CTNND2: variants seen among roughly 807,000 people sequenced by gnomAD.
The protein encoded by CTNND2 is catenin delta 2, also known as catenin delta-2.
A neutral mutation model predicts 144.4 loss-of-function variants in CTNND2; 22 were observed. That is an observed-to-expected ratio of 0.15 (90% CI 0.11 to 0.22). CTNND2 has a LOEUF of 0.22. CTNND2 is among the 10% of genes least tolerant of loss of function. The pLI, the probability that CTNND2 is intolerant of heterozygous loss-of-function variation, is 1.00. For missense variants in CTNND2, 1,353 were observed against 1,618.8 expected (o/e 0.84, Z 2.82); for synonymous variants, 751 against 695.6 (o/e 1.08, Z -1.25).
intron 8 of CTNND2, among the ~76,000 whole-genome samples, chr5:11,350,366 T>A (rs531414203): frequency 8.6e-5 from 13 of 151,822 alleles, no homozygotes; most frequent in South Asian, 4.1e-4. Context: ...AAATAAAAAA[T>A]ATATATATAA....
intron 3 of CTNND2, among the ~76,000 whole-genome samples, chr5:11,477,172 A>T (rs1015139055): frequency 2.4e-4 from 36 of 152,146 alleles, no homozygotes; most frequent in African/African-American, 8.4e-4. Flanking sequence ...GCAGGTCATG[A>T]TTTATCCCAC....
intron 12 of CTNND2, among the ~76,000 whole-genome samples, chr5:11,126,058 T>C (rs1472315067): frequency 1.3e-5 from 2 of 152,172 alleles, no homozygotes; most frequent in African/African-American, 2.4e-5. Flanking sequence ...TCCCAGCACT[T>C]TGGGAGGCCG....
intron 1 of CTNND2, among the ~76,000 whole-genome samples, chr5:11,863,910 A>G (rs1235569526): frequency 3.9e-5 from 6 of 152,236 alleles, no homozygotes; most frequent in Admixed American, 2.0e-4. Flanking sequence ...AAATCAGCAG[A>G]AGTACACCTA....
At chr5:11,234,158 T>A (rs1741360548) in intron 10 of CTNND2, among the ~76,000 whole-genome samples, 1 of 151,874 alleles carries the variant, frequency 6.6e-6, no homozygotes, top group Non-Finnish European at 1.5e-5. Context: ...GAAGCACACA[T>A]ATGTACACAC....
At chr5:11,526,132 C>T (rs1007989712) in intron 3 of CTNND2, among the ~76,000 whole-genome samples, 1 of 152,098 alleles carries the variant, frequency 6.6e-6, no homozygotes, top group Non-Finnish European at 1.5e-5. Context: ...GAACTCCTGG[C>T]CCTAAGTGAT....
chr5:11,140,069 G>A lies in CTNND2; in HGVS notation c.2159+19507C>T, dbSNP rs926615349. Reference sequence around the variant, plus strand: ...TAATCGCCCTATTTTAAGGTCAGGTGTTAGCAACCTTAATTCCATCTGCAA... The same window carrying A: ...TAATCGCCCTATTTTAAGGTCAGGTATTAGCAACCTTAATTCCATCTGCAA... On this transcript the variant is annotated intron_variant, in intron 12 of 21. Transcript: ENST00000304623. 7.2e-5 allele frequency among the ~76,000 whole-genome samples: 11 copies of A among 152,216 alleles called. No individual in the cohort carries two copies. The South Asian group carries it at 8.3e-4, about 11-fold the overall frequency.
At chr5:11,254,445 T>C (rs527791299) in intron 9 of CTNND2, among the ~76,000 whole-genome samples, 3 of 152,164 alleles carry the variant, frequency 2.0e-5, no homozygotes, top group African/African-American at 7.2e-5. Flanking sequence ...AAGAACATGG[T>C]TCCTACCTTG....
intron 8 of CTNND2, among the ~76,000 whole-genome samples, chr5:11,361,363 C>T (rs997654831): frequency 9.2e-5 from 14 of 152,068 alleles, no homozygotes; most frequent in Non-Finnish European, 8.8e-5. Context: ...ACTATGTTGC[C>T]CAGTCTGGTC....
intron 17 of CTNND2, among the ~76,000 whole-genome samples, chr5:11,020,182 T>C (rs1742089888): frequency 1.3e-5 from 2 of 152,120 alleles, no homozygotes; most frequent in African/African-American, 4.8e-5. Flanking sequence ...TAGACTGTGA[T>C]TGGCAACTCG....
intron 9 of CTNND2, among the ~76,000 whole-genome samples, chr5:11,312,664 T>A (rs1751103211): frequency 3.5e-5 from 1 of 28,842 alleles, no homozygotes; most frequent in African/African-American, 7.3e-5. Flanking sequence ...TACACCACCA[T>A]CCCACATGCA....
chr5:11,859,674 A>AC (rs1795413583), intron 1 of CTNND2, among the ~76,000 whole-genome samples: 1 of 152,152 alleles, frequency 6.6e-6, no homozygotes, highest in African/African-American at 2.4e-5. Flanking sequence ...AGAGCCACCT[A>AC]CATGCCTGTA....
intron 11 of CTNND2, among the ~76,000 whole-genome samples, chr5:11,179,623 T>G (rs921895017): frequency 6.6e-6 from 1 of 152,160 alleles, no homozygotes; most frequent in East Asian, 1.9e-4. Context: ...ATAAGAGATA[T>G]GGTTTTAAAA....
chr5:11,527,915 C>G (rs985315330), intron 3 of CTNND2, among the ~76,000 whole-genome samples: 1 of 152,062 alleles, frequency 6.6e-6, no homozygotes, highest in Admixed American at 6.6e-5. Flanking sequence ...GACTTGGGTA[C>G]GGCGCTGCAT....
intron 2 of CTNND2, among the ~76,000 whole-genome samples, chr5:11,695,277 T>A (rs1376252459): frequency 6.6e-6 from 1 of 152,214 alleles, no homozygotes; most frequent in African/African-American, 2.4e-5. Flanking sequence ...TCAAGACAAG[T>A]ATCTAGCAAC....
chr5:10,990,419 C>T (rs1023768571), intron 19 of CTNND2, among the ~76,000 whole-genome samples: 1 of 152,194 alleles, frequency 6.6e-6, no homozygotes, highest in South Asian at 2.1e-4. Flanking sequence ...CCTGTCTGCT[C>T]GCTGGTTCCT....
chr5:11,892,085 A>T (rs1737011114), intron 1 of CTNND2, among the ~76,000 whole-genome samples: 1 of 152,194 alleles, frequency 6.6e-6, no homozygotes, highest in Admixed American at 6.5e-5. Flanking sequence ...TCTCTATAAC[A>T]TCACACATCT....
At chr5:11,489,821 G>A (rs1252635008) in intron 3 of CTNND2, among the ~76,000 whole-genome samples, 1 of 151,824 alleles carries the variant, frequency 6.6e-6, no homozygotes, top group African/African-American at 2.4e-5. Context: ...ATTTATCATC[G>A]GCAGGCACAG....
intron 3 of CTNND2, among the ~76,000 whole-genome samples, chr5:11,475,005 G>A (rs1767585386): frequency 6.6e-6 from 1 of 152,172 alleles, no homozygotes; most frequent in African/African-American, 2.4e-5. Context: ...GAACTGTGCT[G>A]CCTCTGCAGA....
At chr5:11,020,014 G>C (rs1742069856) in intron 17 of CTNND2, among the ~76,000 whole-genome samples, 2 of 152,182 alleles carry the variant, frequency 1.3e-5, no homozygotes, top group Admixed American at 1.3e-4. Flanking sequence ...TACACAATTG[G>C]AGTTTGATCT....
Sources: gnomAD v4.1 joint callset for allele counts (sites outside exome capture counted in the v4.1 genomes callset) on GRCh38, gnomAD v4.1.1 for gene constraint, MANE v1.5 for transcripts, NCBI Gene and HGNC (gene_info 2026-07-23, HGNC 2026-07-21) for gene names.